The following DST variants were observed in gnomAD, a reference collection of about 807,000 sequenced individuals.
DST encodes the protein bullous pemphigoid antigen.
Under a neutral mutation model 875.2 loss-of-function variants are expected in DST, and 253 were observed. The ratio of observed to expected loss-of-function variants is 0.29; its 90% confidence interval spans 0.26 to 0.32. The LOEUF (loss-of-function observed/expected upper bound fraction) is 0.32, where lower values mean the gene tolerates loss of function less well. Ranked by LOEUF, DST falls within the 10% of genes least tolerant of loss-of-function variation. The probability of loss-of-function intolerance (pLI) is 1.00; values close to 1 mark genes in which losing one functional copy is unlikely to be tolerated. For missense variants in DST, 8,287 were observed against 9,111.6 expected, an observed-to-expected ratio of 0.91 and a Z score of 3.68; for synonymous variants, 3,124 against 3,197.1, an observed-to-expected ratio of 0.98 and a Z score of 0.77.
chr6:56,781,610 A>C (rs1323315289), intron 4 of DST, among the ~76,000 whole-genome samples: 1 of 152,238 alleles, frequency 6.6e-6, no homozygotes, highest in East Asian at 1.9e-4. Context: ...TATCAGCTTA[A>C]GGAGATTTTA....
chr6:56,506,753 G>A lies in DST; in HGVS notation c.19276C>T (p.Leu6426=). The A allele has an allele frequency of 6.2e-7, 1 of 1,613,384 alleles. No homozygotes were observed. The highest frequency in any genetic ancestry group is 8.5e-7 in the Non-Finnish European group (1 of 1,179,562). ...GAACCTAGGTTAATAACTATATCCA[G>A]CTCCTCCTGTAGTCCATCTATTTCT... ...REEIDGLQEE[L]DIVINLGSEL... is the part of the protein sequence containing the mutation. The change falls in exon 76 of 104, where the codon CTG becomes TTG. Residue 6426 remains leucine (L), a synonymous_variant. Coordinates refer to ENST00000680361, the MANE Select transcript of DST (RefSeq NM_001374736.1).
chr6:56,604,753 T>C lies in DST; in HGVS notation c.9875A>G (p.Glu3292Gly), dbSNP rs1409776700. Reference protein sequence around the residue: ...DVGKNDFLQSERCANGLGNDN... With the variant: ...DVGKNDFLQSGRCANGLGNDN... ...ATTTCCTAATCCATTTGCACACCGC[T>C]CCGACTGCAGAAAATCATTTTTCCC... Residue 3292 changes from glutamate (E) to glycine (G), a missense_variant, in exon 40 of 104, where the codon GAG (glutamate) becomes GGG (glycine). Glu to Gly is a moderately conservative substitution (Grantham distance 98). This residue lies in a region of DST where 3,138 missense variants were observed against 3,116.6 expected (regional missense o/e 1.01). Transcript: ENST00000680361. 3 of 1,612,748 alleles carry C rather than the reference T, an allele frequency of 1.9e-6. No homozygotes were observed. Among genetic ancestry groups the C allele is most frequent in the Non-Finnish European group, 2.5e-6 (3 of 1,179,214 alleles).
intron 4 of DST, among the ~76,000 whole-genome samples, chr6:56,776,383 G>A (rs2099679234): frequency 1.3e-5 from 2 of 152,162 alleles, no homozygotes; most frequent in Admixed American, 1.3e-4. Context: ...AAGGACGTTA[G>A]GGAAGAACTA....
chr6:56,572,190 T>C lies in DST; in HGVS notation c.13631A>G (p.His4544Arg), dbSNP rs748806288. The change falls in exon 53 of 104, where the codon CAT becomes CGT. Residue 4544 changes from histidine to arginine, a missense_variant. Coordinates refer to ENST00000680361, the MANE Select transcript of DST (RefSeq NM_001374736.1). ...CAAAGCCTTATCACTTGGTAAGCCA[T>C]GGCTGGATATCTCCTTCAAGAGACT... ...LHSLLKEISS[H>R]GLPSDKALVL... The C allele has an allele frequency of 8.3e-6, 13 of 1,568,098 alleles. No homozygotes were observed. Among genetic ancestry groups the C allele is most frequent in the South Asian group, 1.2e-5 (1 of 82,952 alleles).
intron 61 of DST, among the ~76,000 whole-genome samples, chr6:56,547,817 G>C (rs1231450007): frequency 6.6e-6 from 1 of 152,200 alleles, no homozygotes; most frequent in African/African-American, 2.4e-5. Context: ...GTTAAACAAT[G>C]CCTTCACCTG....
chr6:56,645,792 C>A, intron 15 of DST, 74 bp downstream of exon 15: 1 of 1,555,518 alleles, frequency 6.4e-7, no homozygotes, highest in South Asian at 1.2e-5. Context: ...AGAGGTTTAA[C>A]TTAAGTTCTT....
At position 56,555,577 on chromosome 6, in the gene DST, A is replaced by G. The variant is rs778997704; in HGVS notation, c.14904T>C (p.Asn4968=). 2.2e-5 allele frequency: 35 copies of G among 1,613,846 alleles called. No homozygotes were observed. In the Admixed American group the frequency reaches 5.3e-4, roughly 25 times the overall value. ...TCACAGCCAGACTGCTGCTGAGTTT[A>G]TTATCCAAGTCACTCAGTTTATCAG... ...SLSDKLSDLD[N]KLSSSLAVST... Residue 4968 remains asparagine (N), a synonymous_variant, in exon 60 of 104, where the codon AAT becomes AAC. Coordinates refer to ENST00000680361, the MANE Select transcript of DST (RefSeq NM_001374736.1).
intron 36 of DST, chr6:56,619,603 A>G (rs1326183886): frequency 6.2e-7 from 1 of 1,613,860 alleles, no homozygotes; most frequent in South Asian, 1.1e-5. Flanking sequence ...CTTTTTCATG[A>G]TTAAGAGATT....
chr6:56,546,015 T>G (rs968724321), intron 61 of DST, among the ~76,000 whole-genome samples: 3 of 152,148 alleles, frequency 2.0e-5, no homozygotes, highest in African/African-American at 7.2e-5. Flanking sequence ...TCCAAAGATA[T>G]GAATATGCAT....
chr6:56,690,386 C>T (rs2099220322), intron 9 of DST, among the ~76,000 whole-genome samples: 1 of 152,014 alleles, frequency 6.6e-6, no homozygotes, highest in African/African-American at 2.4e-5. Flanking sequence ...ATGTTGATAA[C>T]ATTTATATGC....
chr6:56,705,190 AG>A (rs753543494), intron 5 of DST, among the ~76,000 whole-genome samples: 41 of 152,222 alleles, frequency 2.7e-4, no homozygotes, highest in Admixed American at 7.9e-4. Flanking sequence ...GCAGGTATTA[AG>A]ATGGCTGTTC....
At position 56,532,346 on chromosome 6, in the gene DST, TG is replaced by T; in HGVS notation, c.17105del (p.Thr5702LysfsTer12). On this transcript the variant is annotated frameshift_variant, in exon 64 of 104. Transcript: ENST00000680361. LOFTEE classifies it high-confidence loss of function. ...AGAACTGGAAGTATATAAGTTACCT[TG>T]TTTCAGCTTTATTAAGCAATGCCTC... ...RWEALLNKAE[T>X]RNRQLEGISV... is the part of the protein sequence containing the mutation. 1 of 1,613,348 alleles carries T rather than the reference TG, an allele frequency of 6.2e-7. No homozygotes were observed. Among genetic ancestry groups the T allele is most frequent in the Non-Finnish European group, 8.5e-7 (1 of 1,179,592 alleles).
At chr6:56,945,906 T>A (rs182656901) in intron 2 of DST, 1 of 149,436 alleles carries the variant, frequency 6.7e-6, no homozygotes, top group Admixed American at 6.7e-5. Flanking sequence ...AGGAGGGGAA[T>A]AGGGAATAAT....
intron 49 of DST, among the ~76,000 whole-genome samples, chr6:56,582,428 G>T (rs886893273): frequency 2.0e-5 from 3 of 151,874 alleles, no homozygotes; most frequent in Non-Finnish European, 2.9e-5. Context: ...ACTTGCTTCT[G>T]CTTTTGCCAT....
chr6:56,511,897 A>G (rs1358291887), intron 72 of DST, among the ~76,000 whole-genome samples: 1 of 152,132 alleles, frequency 6.6e-6, no homozygotes, highest in Non-Finnish European at 1.5e-5. Context: ...AAGAATAGAA[A>G]GAAGCTCAAT....
intron 15 of DST, among the ~76,000 whole-genome samples, chr6:56,643,453 T>C (rs1221905499): frequency 6.6e-6 from 1 of 152,222 alleles, no homozygotes; most frequent in Non-Finnish European, 1.5e-5. Context: ...CTAAACCTAC[T>C]ATAAAGTGCC....
chr6:56,857,627 T>C (rs1768631553), intron 3 of DST, among the ~76,000 whole-genome samples: 1 of 152,246 alleles, frequency 6.6e-6, no homozygotes, highest in Non-Finnish European at 1.5e-5. Flanking sequence ...CAGCATCACA[T>C]AATTTTGATA....
rs1039854458 is a variant in DST, at chr6:56,631,537, C to T, written c.3964-148G>A. 5 of 700,916 alleles carry T rather than the reference C, an allele frequency of 7.1e-6. No homozygotes were observed. The African/African-American group carries it at 7.2e-5, about 10-fold the overall frequency. 43.4% of individuals were successfully genotyped at this position (700,916 alleles called of 1,614,324 possible). A position where few individuals can be genotyped will look rare whatever the true frequency, so the allele number is the denominator to read the frequency against. On this transcript the variant is annotated intron_variant, in intron 29 of 103. Coordinates refer to ENST00000680361, the MANE Select transcript of DST (RefSeq NM_001374736.1). ...TTGTTTGTTATCAAAGAAACTACAT[C>T]ATAGCATTCAAGTTTTACAATCAAT...
At chr6:56,860,072 T>TACTGGAAAATTTTC (rs1770195595) in intron 3 of DST, among the ~76,000 whole-genome samples, 1 of 152,192 alleles carries the variant, frequency 6.6e-6, no homozygotes, top group East Asian at 1.9e-4. Flanking sequence ...AACATGTAAA[T>TACTGGAAAATTTTC]ACTGGAAAAT....
Sources: gnomAD v4.1 joint callset for allele counts (sites outside exome capture counted in the v4.1 genomes callset) on GRCh38, gnomAD v4.1.1 for gene constraint, gnomAD v4.1.1 regional missense constraint, MANE v1.5 for transcripts, NCBI Gene and HGNC (gene_info 2026-07-23, HGNC 2026-07-21) for gene names.